ABCA12: variants seen among roughly 807,000 people sequenced by gnomAD.
ABCA12 encodes the protein glucosylceramide transporter ABCA12.
Under a neutral mutation model 293.5 loss-of-function variants are expected in ABCA12, and 156 were observed. That is an observed-to-expected ratio of 0.53 (90% CI 0.47 to 0.61). The LOEUF (loss-of-function observed/expected upper bound fraction) is 0.61, where lower values mean the gene tolerates loss of function less well. Ranked by LOEUF, ABCA12 falls within the 20% of genes least tolerant of loss-of-function variation. The pLI, the probability that ABCA12 is intolerant of heterozygous loss-of-function variation, is 0.00. For missense variants in ABCA12, 2,797 were observed against 3,090.2 expected, an observed-to-expected ratio of 0.91 and a Z score of 2.25; for synonymous variants, 1,063 against 1,108.0, an observed-to-expected ratio of 0.96 and a Z score of 0.81.
chr2:215,028,261 T>C (rs1339060380), intron 9 of ABCA12, among the ~76,000 whole-genome samples: 1 of 152,184 alleles, frequency 6.6e-6, no homozygotes, highest in Non-Finnish European at 1.5e-5. Flanking sequence ...TAAAGAAGAC[T>C]CAGGGTGTTT....
rs1701193102 is a variant in ABCA12, at chr2:215,045,943, C to T, written c.766G>A (p.Val256Met). The change falls in exon 7 of 53, where the codon GTG becomes ATG. Residue 256 changes from valine to methionine, a missense_variant. Around this residue, in one of 3 missense-constraint regions of ABCA12, gnomAD observed 656 missense variants for 638.2 expected, o/e 1.03. Coordinates refer to ENST00000272895, the MANE Select transcript of ABCA12 (RefSeq NM_173076.3). ...TGCCACACAGCTTTCTGCTCTTGCA[C>T]TTGTGAGAAGAAAGACAGCATTCTG... ...IVRMLSFFSQ[V>M]QEQKAVWQLL... 2 of 1,613,724 alleles carry T rather than the reference C, an allele frequency of 1.2e-6. No homozygotes were observed. The highest frequency in any genetic ancestry group is 1.7e-6 in the Non-Finnish European group (2 of 1,179,810).
intron 39 of ABCA12, among the ~76,000 whole-genome samples, chr2:214,965,475 A>G (rs1699232860): frequency 6.6e-6 from 1 of 152,226 alleles, no homozygotes; most frequent in Non-Finnish European, 1.5e-5. Flanking sequence ...AAATTTTGCC[A>G]TCTGTCTCTC....
chr2:215,085,547 T>G (rs1221324017), intron 2 of ABCA12: 1 of 152,230 alleles, frequency 6.6e-6, no homozygotes, highest in African/African-American at 2.4e-5. Flanking sequence ...TCTTTCATCA[T>G]GCAAAAATCT....
Position 214,956,720 on chromosome 2 carries a change from G to C in ABCA12, c.6176C>G (p.Pro2059Arg). 1.2e-6 allele frequency: 2 copies of C among 1,613,586 alleles called. No homozygotes were observed. Among genetic ancestry groups the C allele is most frequent in the Non-Finnish European group, 1.7e-6 (2 of 1,179,776 alleles). ...TAGGTTGTTTTCACTGTAGAATGCA[G>C]GTAATTTGAAAATCGCAATGATACC... is the stretch of plus-strand genomic sequence containing the variant. ...SIGIIAIFKL[P>R]AFYSENNLGA... Residue 2059 changes from proline to arginine, a missense_variant, in exon 42 of 53, where the codon CCT (proline) becomes CGT (arginine). Transcript: ENST00000272895.
At chr2:215,017,809 A>C (rs1336890078) in intron 14 of ABCA12, 199 bp downstream of exon 14, 1 of 638,386 alleles carries the variant, frequency 1.6e-6, no homozygotes, top group Non-Finnish European at 2.6e-6. Flanking sequence ...TAAAGAGAAA[A>C]GGGACACATA....
rs1298086607 is a variant in ABCA12, at chr2:215,130,222, A to G, written c.69+7918T>C. 3.4e-5 allele frequency among the ~76,000 whole-genome samples: 5 copies of G among 147,832 alleles called. No individual in the cohort carries two copies. The East Asian group carries it at 7.8e-4, about 23-fold the overall frequency. On this transcript the variant is annotated intron_variant, in intron 1 of 52. Coordinates refer to ENST00000272895, the MANE Select transcript of ABCA12 (RefSeq NM_173076.3). ...GCTATTCGGGCTTTCTCTTGGTTCT[A>G]TGTAAACTTTAGGATTTTTTTTTTT... is the stretch of plus-strand genomic sequence containing the variant.
chr2:214,974,756 T>C (rs1249696338), intron 35 of ABCA12, 22 bp downstream of exon 35: 1 of 1,611,828 alleles, frequency 6.2e-7, no homozygotes, highest in East Asian at 2.2e-5. Context: ...AAACAAAAAA[T>C]AGAAGAGCAA....
chr2:215,118,542 G>A (rs1702734829), intron 1 of ABCA12, among the ~76,000 whole-genome samples: 1 of 152,048 alleles, frequency 6.6e-6, no homozygotes. Context: ...CCCCTTCATA[G>A]TGTCATAGTT....
At chr2:215,118,515 G>A (rs1189310415) in intron 1 of ABCA12, among the ~76,000 whole-genome samples, 2 of 152,228 alleles carry the variant, frequency 1.3e-5, no homozygotes, top group East Asian at 3.9e-4. Context: ...AAAAGGCTAA[G>A]ATGAAGAGTT....
intron 50 of ABCA12, among the ~76,000 whole-genome samples, chr2:214,937,962 GTTTA>G (rs1446502940): frequency 1.3e-5 from 2 of 151,818 alleles, no homozygotes; most frequent in African/African-American, 4.8e-5. Flanking sequence ...TATTTTTTGT[GTTTA>G]TTATTATACT....
At position 215,045,680 on chromosome 2, in the gene ABCA12, T is replaced by C. The variant is rs76768849; in HGVS notation, c.872+157A>G. 8.6e-3 allele frequency among the ~76,000 whole-genome samples: 1,314 copies of C among 152,292 alleles called. 14 individuals carry two copies. Among genetic ancestry groups the C allele is most frequent in the African/African-American group, 0.03 (1,253 of 41,566 alleles). ...GTATGTTTCTTCTTTGCTTAACTAA[T>C]ACACTCACCTTCACTGCTAAAATCT... On this transcript the variant is annotated intron_variant, in intron 7 of 52. Coordinates refer to ENST00000272895, the MANE Select transcript of ABCA12 (RefSeq NM_173076.3).
At chr2:215,086,452 T>C (rs531548753) in intron 2 of ABCA12, among the ~76,000 whole-genome samples, 1 of 152,172 alleles carries the variant, frequency 6.6e-6, no homozygotes, top group Non-Finnish European at 1.5e-5. Context: ...TTAGGTAGCA[T>C]GAGGGGTGTT....
chr2:214,970,329 A>C lies in ABCA12; in HGVS notation c.5634T>G (p.Thr1878=). The C allele has an allele frequency of 6.2e-7, 1 of 1,613,322 alleles. No individual in the cohort carries two copies. The highest frequency in any genetic ancestry group is 8.5e-7 in the Non-Finnish European group (1 of 1,179,494). The change falls in exon 37 of 53, where the codon ACT becomes ACG. Residue 1878 remains threonine, a synonymous_variant. Transcript: ENST00000272895. ...TAAGATAATTTTCCACTCGTTGCCC[A>C]GTGAGGTTATAAATTACCTGGGATG... is the stretch of plus-strand genomic sequence containing the variant. ...TYSSQVIYNL[T]GQRVENYLIS...
At chr2:214,966,752 A>G (rs1256214028) in intron 39 of ABCA12, 96 bp downstream of exon 39, 17 of 1,112,552 alleles carry the variant, frequency 1.5e-5, no homozygotes, top group Non-Finnish European at 2.2e-5. Context: ...ACCATAAAAT[A>G]CCTGCCACCT....
At chr2:215,002,271 T>C (rs1700162232) in intron 20 of ABCA12, among the ~76,000 whole-genome samples, 1 of 152,204 alleles carries the variant, frequency 6.6e-6, no homozygotes, top group Admixed American at 6.5e-5. Context: ...TTTCTAATAC[T>C]GTTTGACTTA....
At chr2:215,065,258 A>T (rs1182611435) in intron 2 of ABCA12, among the ~76,000 whole-genome samples, 1 of 146,178 alleles carries the variant, frequency 6.8e-6, no homozygotes, top group Non-Finnish European at 1.5e-5. Flanking sequence ...TAGGAAAATT[A>T]AGGCTAAAAA....
rs1700574665 is a variant in ABCA12 at position 215,019,397 on chromosome 2, T to C, written c.1596A>G (p.Leu532=). 1.2e-6 allele frequency: 2 copies of C among 1,613,550 alleles called. No homozygotes were observed. The highest frequency in any genetic ancestry group is 1.7e-6 in the Non-Finnish European group (2 of 1,180,028). ...GCAGCATGGCTTCTATGATCGGTAT[T>C]AACTGAGTGATATTTTCCAAGTAAT... is the stretch of plus-strand genomic sequence containing the variant. ...QMNYLENITQ[L]IPIIEAMLHV... Residue 532 remains leucine (L), a synonymous_variant, in exon 13 of 53, where the codon TTA becomes TTG. Transcript: ENST00000272895.
intron 14 of ABCA12, 59 bp downstream of exon 14, chr2:215,017,949 G>A: frequency 6.2e-7 from 1 of 1,610,168 alleles, no homozygotes; most frequent in South Asian, 1.1e-5. Flanking sequence ...CTCAACAAAT[G>A]CTAAATGCTA....
chr2:214,972,390 C>G (rs972952178), intron 36 of ABCA12, among the ~76,000 whole-genome samples: 3 of 151,972 alleles, frequency 2.0e-5, no homozygotes, highest in Admixed American at 2.0e-4. Context: ...AATTGAAGAT[C>G]TACTGGATTT....
Sources: allele counts gnomAD v4.1 joint callset (sites outside exome capture counted in the v4.1 genomes callset), GRCh38; gene constraint gnomAD v4.1.1; regional missense constraint gnomAD v4.1.1; transcripts MANE v1.5; gene names NCBI Gene and HGNC (gene_info 2026-07-23, HGNC 2026-07-21).